DLGAP1: variants seen among roughly 807,000 people sequenced by gnomAD.
DLGAP1 encodes the protein disks large-associated protein 1.
In DLGAP1, 11 loss-of-function variants were observed where a neutral mutation model predicts 90.8. That is an observed-to-expected ratio of 0.12 (90% CI 0.08 to 0.20). The LOEUF (loss-of-function observed/expected upper bound fraction) is 0.20. Ranked by LOEUF, DLGAP1 falls within the 10% of genes least tolerant of loss-of-function variation. The probability of loss-of-function intolerance (pLI) is 1.00; values close to 1 mark genes in which losing one functional copy is unlikely to be tolerated. For synonymous variants in DLGAP1, 558 were observed against 540.7 expected, an observed-to-expected ratio of 1.03 and a Z score of -0.44; for missense variants, 1,050 against 1,333.8, an observed-to-expected ratio of 0.79 and a Z score of 3.31.
At chr18:4,269,571 G>C (rs981912161) in intron 1 of DLGAP1, among the ~76,000 whole-genome samples, 1 of 151,844 alleles carries the variant, frequency 6.6e-6, no homozygotes, top group South Asian at 2.1e-4. Context: ...AGCCAGGATG[G>C]TCTCGATCTC....
chr18:3,508,528 A>G (rs1410818621), intron 11 of DLGAP1, 42 bp downstream of exon 11: 2 of 1,468,958 alleles, frequency 1.4e-6, no homozygotes, highest in Non-Finnish European at 1.9e-6. Context: ...TGTTCTTCTC[A>G]TGGCACTAGC....
chr18:3,546,333 G>C (rs1233666247), intron 9 of DLGAP1, among the ~76,000 whole-genome samples: 8 of 151,202 alleles, frequency 5.3e-5, no homozygotes. Context: ...AGGATCCCTT[G>C]AGACCAGGGA....
intron 7 of DLGAP1, among the ~76,000 whole-genome samples, chr18:3,713,235 C>A (rs187978050): frequency 1.3e-5 from 2 of 152,208 alleles, no homozygotes; most frequent in African/African-American, 4.8e-5. Context: ...GTTTGCACAG[C>A]TGCAACTGAT....
At chr18:3,674,455 C>A (rs1461681532) in intron 7 of DLGAP1, among the ~76,000 whole-genome samples, 1 of 151,018 alleles carries the variant, frequency 6.6e-6, no homozygotes, top group African/African-American at 2.4e-5. Context: ...CCTATCTCTA[C>A]AAAAAAATAA....
At position 4,216,279 on chromosome 18, in the gene DLGAP1, C is replaced by T. The variant is rs573524265; in HGVS notation, c.-266-64992G>A. Among the ~76,000 whole-genome samples, 3 of 117,032 alleles carry T rather than the reference C, an allele frequency of 2.6e-5. No homozygotes were observed. In the Admixed American group the frequency reaches 2.9e-4, roughly 11 times the overall value. The allele number at this position is 117,032 out of a possible 152,430, so 76.8% of individuals were successfully genotyped here. On this transcript the variant is annotated intron_variant, in intron 1 of 12. Coordinates refer to ENST00000315677, the MANE Select transcript of DLGAP1 (RefSeq NM_004746.4). ...AGAACAGCATGAGTGTAACCGCTCT[C>T]GTGATTAAATTACCCCCCCCCCACC...
At chr18:3,836,760 T>A (rs972639100) in intron 4 of DLGAP1, among the ~76,000 whole-genome samples, 1 of 152,198 alleles carries the variant, frequency 6.6e-6, no homozygotes, top group Non-Finnish European at 1.5e-5. Context: ...GTAGCCTAAG[T>A]GGCCCTCCTA....
At chr18:3,897,655 T>C (rs1226303728) in intron 3 of DLGAP1, among the ~76,000 whole-genome samples, 1 of 152,192 alleles carries the variant, frequency 6.6e-6, no homozygotes, top group Non-Finnish European at 1.5e-5. Context: ...TTGGAGGCAC[T>C]GAAAGTTTTA....
intron 2 of DLGAP1, among the ~76,000 whole-genome samples, chr18:4,081,592 C>T (rs1005529480): frequency 1.3e-5 from 2 of 152,186 alleles, no homozygotes; most frequent in Admixed American, 6.5e-5. Context: ...GTCTCATCTG[C>T]TTATAGTCCA....
chr18:3,770,472 G>C (rs2064476920), intron 5 of DLGAP1, among the ~76,000 whole-genome samples: 1 of 152,134 alleles, frequency 6.6e-6, no homozygotes, highest in Non-Finnish European at 1.5e-5. Flanking sequence ...ACTGGAGGTG[G>C]CCATAGGAAA....
intron 1 of DLGAP1, among the ~76,000 whole-genome samples, chr18:4,349,720 C>A (rs2081368360): frequency 1.3e-5 from 2 of 151,772 alleles, no homozygotes; most frequent in Admixed American, 1.3e-4. Flanking sequence ...ATTAAAAAAA[C>A]CGATAACATG....
intron 3 of DLGAP1, among the ~76,000 whole-genome samples, chr18:4,001,333 CT>C (rs1005544082): frequency 2.0e-5 from 3 of 146,998 alleles, no homozygotes; most frequent in Admixed American, 2.0e-4. Flanking sequence ...AAGCTGCTAT[CT>C]TTTTTTTCAG....
intron 6 of DLGAP1, among the ~76,000 whole-genome samples, chr18:3,736,702 T>A (rs1196753749): frequency 2.0e-5 from 3 of 152,154 alleles, no homozygotes; most frequent in African/African-American, 7.2e-5. Context: ...AACAGGACGT[T>A]TGAAATTATC....
intron 1 of DLGAP1, among the ~76,000 whole-genome samples, chr18:4,363,050 T>C (rs1439899716): frequency 6.6e-6 from 1 of 151,884 alleles, no homozygotes; most frequent in Non-Finnish European, 1.5e-5. Context: ...CGTTTGCAAC[T>C]CTAGTTGGAG....
intron 3 of DLGAP1, among the ~76,000 whole-genome samples, chr18:3,881,914 C>T (rs952102045): frequency 2.0e-5 from 3 of 149,970 alleles, no homozygotes; most frequent in African/African-American, 7.6e-5. Context: ...CTCCGTCTGT[C>T]TCAGAACAAA....
intron 1 of DLGAP1, among the ~76,000 whole-genome samples, chr18:4,298,224 A>T (rs1187231750): frequency 2.0e-5 from 3 of 152,156 alleles, no homozygotes; most frequent in African/African-American, 7.2e-5. Context: ...CGAGGTTTGC[A>T]TCCCCCGCGA....
In DLGAP1 at chr18:4,086,026, C is replaced by T. The variant is rs150790958; in HGVS notation, c.-159+65154G>A. On this transcript the variant is annotated intron_variant, in intron 2 of 12. Transcript: ENST00000315677. ...GGCAGAAACAGAAAAAGAGGTTGTT[C>T]GTGTCAAATAACTACCTTTCATGTA... Among the ~76,000 whole-genome samples, 758 of 152,190 alleles carry T rather than the reference C, an allele frequency of 5.0e-3. 6 individuals carry two copies. The highest frequency in any genetic ancestry group is 8.3e-3 in the Non-Finnish European group (567 of 68,012).
At chr18:3,662,315 T>C (rs967161139) in intron 7 of DLGAP1, among the ~76,000 whole-genome samples, 1 of 152,202 alleles carries the variant, frequency 6.6e-6, no homozygotes, top group African/African-American at 2.4e-5. Flanking sequence ...TATTTAAGGA[T>C]GTACCTCATA....
chr18:4,054,723 T>C (rs2075187264), intron 2 of DLGAP1, among the ~76,000 whole-genome samples: 1 of 152,200 alleles, frequency 6.6e-6, no homozygotes, highest in South Asian at 2.1e-4. Flanking sequence ...AGATTGTTCA[T>C]ATTTGGTAAC....
At chr18:3,560,912 G>GA (rs1377297968) in intron 9 of DLGAP1, among the ~76,000 whole-genome samples, 1 of 150,468 alleles carries the variant, frequency 6.6e-6, no homozygotes, top group East Asian at 1.9e-4. Flanking sequence ...TATTTACCAC[G>GA]AATCCAATCC....
Sources: gnomAD v4.1 joint callset for allele counts (sites outside exome capture counted in the v4.1 genomes callset) on GRCh38, gnomAD v4.1.1 for gene constraint, MANE v1.5 for transcripts, NCBI Gene and HGNC (gene_info 2026-07-23, HGNC 2026-07-21) for gene names.